PCDHGA3: variants seen among roughly 807,000 people sequenced by gnomAD.
PCDHGA3 encodes the protein protocadherin gamma subfamily A, 3.
In PCDHGA3, 40 loss-of-function variants were observed where a neutral mutation model predicts 58.5. The ratio of observed to expected loss-of-function variants is 0.68; its 90% CI spans 0.53 to 0.89. PCDHGA3 has a LOEUF of 0.89. Among genes scored for constraint, PCDHGA3 ranks in the 40% least tolerant of loss-of-function variants. The probability of loss-of-function intolerance (pLI) is 0.00; values close to 1 mark genes in which losing one functional copy is unlikely to be tolerated. For synonymous variants in PCDHGA3, 530 were observed against 525.7 expected (o/e 1.01, Z -0.11); for missense variants, 1,223 against 1,195.9 (o/e 1.02, Z -0.33).
chr5:141,477,007 A>C lies in PCDHGA3; in HGVS notation c.2425-17800A>C, dbSNP rs891158982. The C allele has an allele frequency of 1.9e-6, 3 of 1,614,258 alleles. No individual in the cohort carries two copies. The Admixed American group carries it at 5.0e-5, about 27-fold the overall frequency. ...CCGGCGTGCGGCAACTATTCGCCTT[A>C]GACCTTGTAACCGGGATGCTGACAA... On this transcript the variant is annotated intron_variant, in intron 1 of 3. Coordinates refer to ENST00000253812, the MANE Select transcript of PCDHGA3 (RefSeq NM_018916.4). This position sits in a 1 kb window ranked among gnomAD's most constrained non-coding sequence, Gnocchi z 4.9.
At chr5:141,384,259 C>A in intron 1 of PCDHGA3, 1 of 1,613,886 alleles carries the variant, frequency 6.2e-7, no homozygotes, top group Non-Finnish European at 8.5e-7. Flanking sequence ...CACCTTCCCC[C>A]ACTCATCCTA....
At chr5:141,346,870 C>A (rs1385429638) in intron 1 of PCDHGA3, among the ~76,000 whole-genome samples, 3 of 152,206 alleles carry the variant, frequency 2.0e-5, no homozygotes, top group Non-Finnish European at 4.4e-5. Flanking sequence ...TGGAGTTTGT[C>A]ATTCCAACCT....
intron 1 of PCDHGA3, chr5:141,404,478 CAG>C (rs749664270): frequency 1.9e-6 from 3 of 1,613,412 alleles, no homozygotes; most frequent in Non-Finnish European, 2.5e-6. Context: ...TCTATTAACT[CAG>C]ACACTGGTGT....
intron 1 of PCDHGA3, among the ~76,000 whole-genome samples, chr5:141,447,135 G>GT (rs905717632): frequency 9.9e-5 from 15 of 151,698 alleles, no homozygotes; most frequent in African/African-American, 3.4e-4. Flanking sequence ...TTGTTTGTTT[G>GT]TTTTTTGTTT....
intron 1 of PCDHGA3, chr5:141,350,912 C>A (rs1302885746): frequency 6.2e-7 from 1 of 1,614,092 alleles, no homozygotes; most frequent in East Asian, 2.2e-5. Flanking sequence ...CGGGGACCCG[C>A]CTCTAAGCGG....
chr5:141,501,891 T>G (rs2099811650), intron 2 of PCDHGA3, among the ~76,000 whole-genome samples: 1 of 152,128 alleles, frequency 6.6e-6, no homozygotes, highest in Admixed American at 6.5e-5. Context: ...CTGATCATCA[T>G]GGTTCCAACC....
chr5:141,490,033 A>C lies in PCDHGA3; in HGVS notation c.2425-4774A>C, dbSNP rs200482631. The C allele has an allele frequency of 4.0e-5, 65 of 1,614,116 alleles. No homozygotes were observed. Among genetic ancestry groups the C allele is most frequent in the Non-Finnish European group, 4.1e-5 (48 of 1,180,040 alleles). On this transcript the variant is annotated intron_variant, in intron 1 of 3. Transcript: ENST00000253812. This position sits in a 1 kb window ranked among gnomAD's most constrained non-coding sequence, Gnocchi z 5.4. ...CATTGGTACTCTGCTGCTCCGCCTC[A>C]ATGCCACTGATCCAGACGAGGGCAC...
rs1016658212 is a variant in PCDHGA3 at position 141,360,733 on chromosome 5, C to T, written c.2424+14276C>T. 14 of 1,613,854 alleles carry T rather than the reference C, an allele frequency of 8.7e-6. No individual in the cohort carries two copies. In the East Asian group the frequency reaches 8.9e-5, roughly 10 times the overall value. ...TCCTGAGTTGATTCTAAAACACTCTCTGGACAGAGAAGAGCACAGTTTACA... is the reference window on the plus strand; with the variant it reads ...TCCTGAGTTGATTCTAAAACACTCTTTGGACAGAGAAGAGCACAGTTTACA... On this transcript the variant is annotated intron_variant, in intron 1 of 3. Transcript: ENST00000253812.
At chr5:141,510,402 G>A (rs2099880998) in intron 3 of PCDHGA3, among the ~76,000 whole-genome samples, 1 of 152,008 alleles carries the variant, frequency 6.6e-6, no homozygotes, top group African/African-American at 2.4e-5. Flanking sequence ...GCAAAGGCTA[G>A]GGGCATGTAA....
intron 1 of PCDHGA3, among the ~76,000 whole-genome samples, chr5:141,460,304 A>T (rs769422296): frequency 2.6e-5 from 4 of 152,144 alleles, no homozygotes; most frequent in Admixed American, 6.5e-5. Flanking sequence ...TCCTATTCAA[A>T]AACTCCTTGC....
rs373163257 is a variant in PCDHGA3 at position 141,383,286 on chromosome 5, C to A, written c.2424+36829C>A. 1 of 1,613,888 alleles carries A rather than the reference C, an allele frequency of 6.2e-7. No individual in the cohort carries two copies. The highest frequency in any genetic ancestry group is 8.5e-7 in the Non-Finnish European group (1 of 1,179,856). Reference sequence around the variant, plus strand: ...TGGAAATAATAGATATTAATGACAACGTTCCAAGATTCTTGACGGAAGAAA... The same window carrying A: ...TGGAAATAATAGATATTAATGACAAAGTTCCAAGATTCTTGACGGAAGAAA... On this transcript the variant is annotated intron_variant, in intron 1 of 3. Transcript: ENST00000253812.
intron 1 of PCDHGA3, chr5:141,405,129 G>C: frequency 6.2e-7 from 1 of 1,613,964 alleles, no homozygotes. Flanking sequence ...CATCTGCTGC[G>C]GGCTACCAGT....
Position 141,418,806 on chromosome 5 carries a change from C to T in PCDHGA3, c.2424+72349C>T, listed in dbSNP as rs200530054. The T allele has an allele frequency of 3.0e-5, 49 of 1,613,694 alleles. No individual in the cohort carries two copies. In the African/African-American group the frequency reaches 5.9e-4, roughly 19 times the overall value. On this transcript the variant is annotated intron_variant, in intron 1 of 3. Transcript: ENST00000253812. ...GATTTTGAAGAAGTAGAAAGATATA[C>T]GATAAACATAGAAGCAAAAGACCGA...
chr5:141,355,840 G>T (rs1760009491), intron 1 of PCDHGA3: 1 of 1,612,168 alleles, frequency 6.2e-7, no homozygotes, highest in East Asian at 2.2e-5. Context: ...CGTTCTCACG[G>T]CCTTCGATGG....
At chr5:141,368,178 A>G (rs1230488076) in intron 1 of PCDHGA3, among the ~76,000 whole-genome samples, 3 of 152,200 alleles carry the variant, frequency 2.0e-5, no homozygotes, top group Non-Finnish European at 4.4e-5. Context: ...TCAAATAATG[A>G]CTAAATAAGG....
intron 2 of PCDHGA3, among the ~76,000 whole-genome samples, chr5:141,502,239 A>G (rs2099813426): frequency 6.6e-6 from 1 of 152,148 alleles, no homozygotes; most frequent in Admixed American, 6.5e-5. Flanking sequence ...GTGTTCTTTT[A>G]TCCTTTTTTT....
rs372479779 is a variant in PCDHGA3, at chr5:141,399,808, C to T, written c.2424+53351C>T. On this transcript the variant is annotated intron_variant, in intron 1 of 3. Coordinates refer to ENST00000253812, the MANE Select transcript of PCDHGA3 (RefSeq NM_018916.4). The stretch of plus-strand genomic sequence containing the variant: ...CGACAACGCACCGCGGGTGCTGTAC[C>T]CCGCGCTGGGTCCCGACGGCTCTGC... 72 of 1,613,090 alleles carry T rather than the reference C, an allele frequency of 4.5e-5. No homozygotes were observed. The highest frequency in any genetic ancestry group is 6.0e-5 in the Non-Finnish European group (71 of 1,179,762).
chr5:141,375,744 A>G lies in PCDHGA3; in HGVS notation c.2424+29287A>G, dbSNP rs573966652. The G allele has an allele frequency of 9.3e-6, 15 of 1,614,188 alleles. No individual in the cohort carries two copies. The South Asian group carries it at 1.6e-4, about 18-fold the overall frequency. ...GTGTCACTGAGCCTGTTTGTGCTGGACCAGAATGACAATGCGCCCGAGATC... is the reference window on the plus strand; with the variant it reads ...GTGTCACTGAGCCTGTTTGTGCTGGGCCAGAATGACAATGCGCCCGAGATC... On this transcript the variant is annotated intron_variant, in intron 1 of 3. Transcript: ENST00000253812.
intron 2 of PCDHGA3, among the ~76,000 whole-genome samples, chr5:141,503,598 CAA>C (rs765754054): frequency 2.7e-4 from 18 of 65,718 alleles, no homozygotes; most frequent in Admixed American, 6.9e-4. Flanking sequence ...GACTCCAGCT[CAA>C]AAAAAAAAAA....
Sources: allele counts gnomAD v4.1 joint callset (sites outside exome capture counted in the v4.1 genomes callset), GRCh38; gene constraint gnomAD v4.1.1; non-coding constraint Gnocchi (gnomAD v3.1); transcripts MANE v1.5; gene names NCBI Gene and HGNC (gene_info 2026-07-23, HGNC 2026-07-21).